Variants in ESCO1 observed in about 807,000 individuals in gnomAD.
ESCO1 encodes the protein establishment of sister chromatid cohesion N-acetyltransferase 1.
In ESCO1, 33 loss-of-function variants were observed where a neutral mutation model predicts 83.5. The observed-to-expected ratio is 0.40, with a 90% confidence interval of 0.30 to 0.53. ESCO1 has a LOEUF of 0.53. Ranked by LOEUF, ESCO1 falls within the 20% of genes least tolerant of loss-of-function variation. The probability of loss-of-function intolerance (pLI) is 0.63; values close to 1 mark genes in which losing one functional copy is unlikely to be tolerated. For synonymous variants in ESCO1, 332 were observed against 324.3 expected, an observed-to-expected ratio of 1.02 and a Z score of -0.25; for missense variants, 855 against 968.0, an observed-to-expected ratio of 0.88 and a Z score of 1.55.
At chr18:21,532,419 TCTGC>T (rs1391762950) in intron 11 of ESCO1, 50 bp downstream of exon 11, 18 of 1,524,388 alleles carry the variant, frequency 1.2e-5, no homozygotes, top group Admixed American at 4.0e-5. Context: ...ACACTAAAGC[TCTGC>T]CTAAGTCCTA....
At chr18:21,583,178 T>C (rs2038527094) in intron 2 of ESCO1, among the ~76,000 whole-genome samples, 1 of 151,700 alleles carries the variant, frequency 6.6e-6, no homozygotes, top group South Asian at 2.1e-4. Context: ...CGAGACTCTG[T>C]CTCAAAAACA....
intron 1 of ESCO1, among the ~76,000 whole-genome samples, chr18:21,592,431 A>AC (rs1384352695): frequency 8.3e-5 from 9 of 107,860 alleles, no homozygotes; most frequent in African/African-American, 3.0e-4. Context: ...CGGGGGGCTG[A>AC]CCCCCCCACC....
rs1472736458 is a variant in ESCO1, at chr18:21,579,221, T to C, written c.-693-3444A>G. ...GTTGGCCAAGCTGGTCCCAAACTCC[T>C]GGCCTCAAGTGATCCACCCACTTTG... is the stretch of plus-strand genomic sequence containing the variant. On this transcript the variant is annotated intron_variant, in intron 2 of 11. Transcript: ENST00000269214. Among the ~76,000 whole-genome samples, 3 of 151,914 alleles carry C rather than the reference T, an allele frequency of 2.0e-5. No homozygotes were observed. In the East Asian group the frequency reaches 5.9e-4, roughly 30 times the overall value.
chr18:21,569,490 A>G (rs2038311208), intron 4 of ESCO1, among the ~76,000 whole-genome samples: 1 of 152,230 alleles, frequency 6.6e-6, no homozygotes, highest in South Asian at 2.1e-4. Context: ...TCACGCCTGT[A>G]ATCCCAGCAC....
Position 21,599,870 on chromosome 18 carries a change from T to C in ESCO1, c.-825+753A>G, listed in dbSNP as rs569949230. Among the ~76,000 whole-genome samples the C allele has an allele frequency of 8.5e-5, 13 of 152,244 alleles. No individual in the cohort carries two copies. The South Asian group carries it at 2.7e-3, about 32-fold the overall frequency. On this transcript the variant is annotated intron_variant, in intron 1 of 11. Transcript: ENST00000269214. ...TCTGCCTGTGCAAAATAAACCCCCATAGTAAAATAATCTTAACCCGTGATA... is the reference window on the plus strand; with the variant it reads ...TCTGCCTGTGCAAAATAAACCCCCACAGTAAAATAATCTTAACCCGTGATA...
intron 8 of ESCO1, among the ~76,000 whole-genome samples, chr18:21,553,607 C>A (rs2038073872): frequency 6.6e-6 from 1 of 151,968 alleles, no homozygotes; most frequent in Non-Finnish European, 1.5e-5. Flanking sequence ...CCTGTAATCC[C>A]AGCACTTTGG....
intron 8 of ESCO1, among the ~76,000 whole-genome samples, chr18:21,546,869 A>G (rs975884925): frequency 8.5e-5 from 13 of 152,122 alleles, no homozygotes; most frequent in Non-Finnish European, 1.8e-4. Context: ...TAAACCTTCA[A>G]TGCCTTCCTG....
chr18:21,571,073 T>C (rs183819407), intron 4 of ESCO1, among the ~76,000 whole-genome samples: 2 of 152,356 alleles, frequency 1.3e-5, no homozygotes, highest in African/African-American at 4.8e-5. Context: ...TGTTAACTTT[T>C]GTCAAATCTG....
chr18:21,575,114 AT>A lies in ESCO1; in HGVS notation c.-272del, dbSNP rs1033092924. 4.6e-5 allele frequency: 17 copies of A among 368,806 alleles called. No individual in the cohort carries two copies. The highest frequency in any genetic ancestry group is 4.0e-4 in the Admixed American group (9 of 22,252). 22.8% of individuals were successfully genotyped at this position (368,806 alleles called of 1,614,324 possible). A position where few individuals can be genotyped will look rare whatever the true frequency, so the allele number is the denominator to read the frequency against. ...TAAAAATTTGAGGAAAATTTTGATTATTTTTAATAAGTTTTTTTATCAAAAG... is the reference window on the plus strand; with the variant it reads ...TAAAAATTTGAGGAAAATTTTGATTATTTTAATAAGTTTTTTTATCAAAAG... On this transcript the variant is annotated 5_prime_UTR_variant, in exon 4 of 12. Coordinates refer to ENST00000269214, the MANE Select transcript of ESCO1 (RefSeq NM_052911.3).
chr18:21,558,118 T>C (rs1444686918), intron 8 of ESCO1, among the ~76,000 whole-genome samples: 5 of 150,858 alleles, frequency 3.3e-5, no homozygotes, highest in Non-Finnish European at 7.4e-5. Flanking sequence ...ACCAAGAAAC[T>C]GGGACTACAG....
At chr18:21,538,501 G>T (rs951532437) in intron 9 of ESCO1, among the ~76,000 whole-genome samples, 1 of 152,086 alleles carries the variant, frequency 6.6e-6, no homozygotes, top group African/African-American at 2.4e-5. Flanking sequence ...TGTCTATTCT[G>T]TTAGGCAGCA....
Position 21,566,133 on chromosome 18 carries a change from A to G in ESCO1, c.1706+13T>C. On this transcript the variant is annotated intron_variant, in intron 6 of 11. Coordinates refer to ENST00000269214, the MANE Select transcript of ESCO1 (RefSeq NM_052911.3). ...TAAAATCCTTAAGCTCTAAAATTTA[A>G]TTAATAGCTTACCTGTTATCACTGC... The G allele has an allele frequency of 1.2e-6, 2 of 1,608,814 alleles. No individual in the cohort carries two copies. The highest frequency in any genetic ancestry group is 1.7e-6 in the Non-Finnish European group (2 of 1,177,316).
At chr18:21,599,916 CTT>C (rs1198806801) in intron 1 of ESCO1, among the ~76,000 whole-genome samples, 2 of 152,228 alleles carry the variant, frequency 1.3e-5, no homozygotes, top group African/African-American at 4.8e-5. Flanking sequence ...ACCCAATTCT[CTT>C]TGGTTCGCCT....
rs963062389 is a variant in ESCO1, at chr18:21,580,685, AT to A, written c.-694+3624del. ...AGTATAAATAAGTTAGTTTAAAGGA[AT>A]TTTTTAAAAAGAATTACTATTGGCC... On this transcript the variant is annotated intron_variant, in intron 2 of 11. Coordinates refer to ENST00000269214, the MANE Select transcript of ESCO1 (RefSeq NM_052911.3). Among the ~76,000 whole-genome samples the A allele has an allele frequency of 9.2e-5, 14 of 152,298 alleles. 1 individual carries two copies. The South Asian group carries it at 2.3e-3, about 25-fold the overall frequency.
chr18:21,530,870 A>G (rs1435911994), intron 11 of ESCO1, among the ~76,000 whole-genome samples: 1 of 152,176 alleles, frequency 6.6e-6, no homozygotes, highest in Non-Finnish European at 1.5e-5. Flanking sequence ...TCTTCTATTC[A>G]ATATTGTATT....
At chr18:21,587,276 T>C (rs886335768) in intron 1 of ESCO1, among the ~76,000 whole-genome samples, 1 of 152,200 alleles carries the variant, frequency 6.6e-6, no homozygotes, top group Non-Finnish European at 1.5e-5. Flanking sequence ...ACCAGCCTCA[T>C]AAAATGAACT....
chr18:21,600,472 G>A (rs1041550173), intron 1 of ESCO1, among the ~76,000 whole-genome samples, 151 bp downstream of exon 1: 1 of 152,252 alleles, frequency 6.6e-6, no homozygotes, highest in Non-Finnish European at 1.5e-5. Context: ...GGGGCGCGAA[G>A]AGCTGGGACC....
chr18:21,583,827 C>A (rs893413123), intron 2 of ESCO1, among the ~76,000 whole-genome samples: 1 of 151,970 alleles, frequency 6.6e-6, no homozygotes, highest in Non-Finnish European at 1.5e-5. Flanking sequence ...CAAAAGCTAC[C>A]AAATTGTAAT....
intron 2 of ESCO1, among the ~76,000 whole-genome samples, chr18:21,579,248 C>T (rs1040039012): frequency 1.3e-5 from 2 of 151,858 alleles, no homozygotes; most frequent in East Asian, 2.0e-4. Context: ...CCCACTTTGG[C>T]CTCCCAAAGT....
Sources: allele counts gnomAD v4.1 joint callset (sites outside exome capture counted in the v4.1 genomes callset), GRCh38; gene constraint gnomAD v4.1.1; transcripts MANE v1.5; gene names NCBI Gene and HGNC (gene_info 2026-07-23, HGNC 2026-07-21).